The following CSMD1 variants were observed in gnomAD, a reference collection of about 807,000 sequenced individuals.
The protein encoded by CSMD1 is CUB and Sushi multiple domains 1.
A neutral mutation model predicts 417.5 loss-of-function variants in CSMD1; 213 were observed. The observed-to-expected ratio is 0.51, with a 90% CI of 0.46 to 0.57. The LOEUF is 0.57. Among genes scored for constraint, CSMD1 ranks in the 20% least tolerant of loss-of-function variants. The pLI, the probability that CSMD1 is intolerant of heterozygous loss-of-function variation, is 0.00. For missense variants in CSMD1, 6,923 were observed against 4,529.7 expected (o/e 1.53, Z -15.17); for synonymous variants, 2,862 against 1,736.8 (o/e 1.65, Z -16.11).
intron 3 of CSMD1, among the ~76,000 whole-genome samples, chr8:4,286,258 C>G (rs1478261240): frequency 1.3e-5 from 2 of 152,136 alleles, no homozygotes; most frequent in Non-Finnish European, 2.9e-5. Context: ...GCCATGCTCT[C>G]CATGTCTCAC....
chr8:3,184,481 G>C (rs184160945), intron 36 of CSMD1, among the ~76,000 whole-genome samples: 3 of 152,138 alleles, frequency 2.0e-5, no homozygotes, highest in African/African-American at 7.2e-5. Flanking sequence ...TCTGTCTTCA[G>C]TTCTGCTCTT....
intron 12 of CSMD1, among the ~76,000 whole-genome samples, chr8:3,420,660 C>G (rs1041551571): frequency 6.6e-6 from 1 of 152,046 alleles, no homozygotes; most frequent in African/African-American, 2.4e-5. Flanking sequence ...ATGTGTACTA[C>G]TGTTCTGGTT....
At chr8:4,478,738 C>G (rs345155) in intron 2 of CSMD1, among the ~76,000 whole-genome samples, 2 of 152,078 alleles carry the variant, frequency 1.3e-5, no homozygotes, top group Non-Finnish European at 2.9e-5. Flanking sequence ...ACACTTTTTC[C>G]TTAGCTCATA....
chr8:3,590,934 A>G (rs1028581858), intron 8 of CSMD1, among the ~76,000 whole-genome samples: 1 of 152,204 alleles, frequency 6.6e-6, no homozygotes, highest in African/African-American at 2.4e-5. Context: ...GTTTTCACTG[A>G]TTTATGATTA....
intron 26 of CSMD1, among the ~76,000 whole-genome samples, chr8:3,242,807 CGCAGAAATAAGGGGTTGG>C (rs1563178217): frequency 2.8e-5 from 1 of 35,722 alleles, no homozygotes; most frequent in East Asian, 6.5e-4. Context: ...GGGGTTGGGG[CGCAGAAATAAGGGGTTGG>C]GGCGCAGATA....
chr8:3,741,552 T>C (rs1265824650), intron 6 of CSMD1, among the ~76,000 whole-genome samples: 2 of 152,268 alleles, frequency 1.3e-5, no homozygotes, highest in Admixed American at 6.5e-5. Flanking sequence ...TCTATCCATT[T>C]ATGATATGCA....
rs1019625772 is a variant in CSMD1 at position 4,144,358 on chromosome 8, T to C, written c.416-112259A>G. The stretch of plus-strand genomic sequence containing the variant: ...TACTTCTCTTCTTTCTTCTGTAATT[T>C]TCTGATAAGGGTGTGTTTTTAGAAC... On this transcript the variant is annotated intron_variant, in intron 3 of 69. Coordinates refer to ENST00000635120, the MANE Select transcript of CSMD1 (RefSeq NM_033225.6). Among the ~76,000 whole-genome samples the C allele has an allele frequency of 1.7e-4, 26 of 151,152 alleles. 2 individuals carry two copies. Among genetic ancestry groups the C allele is most frequent in the African/African-American group, 6.4e-4 (26 of 40,464 alleles).
At chr8:3,359,464 A>G in intron 20 of CSMD1, 124 bp from the exon 21 acceptor site, 1 of 717,328 alleles carries the variant, frequency 1.4e-6, no homozygotes, top group African/African-American at 1.8e-5. Flanking sequence ...TATTTTCCCC[A>G]AACACTTATA....
chr8:4,085,828 A>G (rs914974401), intron 3 of CSMD1, among the ~76,000 whole-genome samples: 5 of 152,212 alleles, frequency 3.3e-5, no homozygotes, highest in African/African-American at 1.2e-4. Context: ...ATAGCCAGAT[A>G]AAAGTTCTGT....
In CSMD1 at chr8:3,257,703, C is replaced by T. The variant is rs77815682; in HGVS notation, c.4153+26441G>A. Among the ~76,000 whole-genome samples the T allele has an allele frequency of 9.0e-3, 1,366 of 152,180 alleles. 21 individuals are homozygous for T. The highest frequency in any genetic ancestry group is 0.031 in the African/African-American group (1,273 of 41,508). Reference sequence around the variant, plus strand: ...TGAAGTTTCTATCAAAGACCCTAAACGGTGGGCCTAGAGCCTTGTTGGAGA... The same window carrying T: ...TGAAGTTTCTATCAAAGACCCTAAATGGTGGGCCTAGAGCCTTGTTGGAGA... On this transcript the variant is annotated intron_variant, in intron 26 of 69. Coordinates refer to ENST00000635120, the MANE Select transcript of CSMD1 (RefSeq NM_033225.6).
intron 25 of CSMD1, among the ~76,000 whole-genome samples, chr8:3,297,636 C>T (rs74830662): frequency 0.039 from 5,949 of 152,146 alleles, 214 homozygotes; most frequent in Admixed American, 0.11. Flanking sequence ...AGTCTCCATA[C>T]TGTACACAAA....
intron 3 of CSMD1, among the ~76,000 whole-genome samples, chr8:4,152,323 G>C (rs948734554): frequency 3.3e-5 from 5 of 152,052 alleles, no homozygotes; most frequent in Admixed American, 6.6e-5. Flanking sequence ...TTTTTGAATT[G>C]AATATTTACA....
At chr8:3,605,353 G>A (rs7842233) in intron 8 of CSMD1, among the ~76,000 whole-genome samples, 115,700 of 152,048 alleles carry the variant, frequency 0.76, 44,515 homozygotes, top group Middle Eastern at 0.85. Flanking sequence ...GTCCATAAGT[G>A]CAATTCTTTA....
chr8:4,869,383 G>A lies in CSMD1; in HGVS notation c.85+124949C>T, dbSNP rs141385217. ...AATGCTCTCTGTATTTTAATCACTCGAATTTCATAACTTTGAGTTACTTGA... is the reference window on the plus strand; with the variant it reads ...AATGCTCTCTGTATTTTAATCACTCAAATTTCATAACTTTGAGTTACTTGA... On this transcript the variant is annotated intron_variant, in intron 1 of 69. Coordinates refer to ENST00000635120, the MANE Select transcript of CSMD1 (RefSeq NM_033225.6). Among the ~76,000 whole-genome samples, 306 of 151,942 alleles carry A rather than the reference G, an allele frequency of 2.0e-3. 1 individual carries two copies. Among genetic ancestry groups the A allele is most frequent in the African/African-American group, 7.1e-3 (295 of 41,404 alleles).
intron 5 of CSMD1, among the ~76,000 whole-genome samples, chr8:3,828,778 C>G (rs1802201777): frequency 6.6e-6 from 1 of 152,110 alleles, no homozygotes; most frequent in African/African-American, 2.4e-5. Context: ...TCACTTCCTC[C>G]CAAGCATCCT....
chr8:4,371,120 C>G (rs1388529783), intron 3 of CSMD1, among the ~76,000 whole-genome samples: 2 of 152,050 alleles, frequency 1.3e-5, no homozygotes, highest in Non-Finnish European at 1.5e-5. Context: ...CTTTATTGCC[C>G]TTGAGAGTTT....
intron 5 of CSMD1, among the ~76,000 whole-genome samples, chr8:3,778,430 T>A (rs1322155853): frequency 6.6e-6 from 1 of 152,210 alleles, no homozygotes; most frequent in Non-Finnish European, 1.5e-5. Flanking sequence ...AATGATCTCT[T>A]TCCACTTCCA....
chr8:4,395,241 T>A (rs956085777), intron 3 of CSMD1, among the ~76,000 whole-genome samples: 1 of 152,176 alleles, frequency 6.6e-6, no homozygotes, highest in Non-Finnish European at 1.5e-5. Context: ...CAACTGTTTA[T>A]CTTCTTTTAT....
At chr8:3,767,987 T>C (rs767553130) in intron 5 of CSMD1, among the ~76,000 whole-genome samples, 1 of 152,230 alleles carries the variant, frequency 6.6e-6, no homozygotes, top group African/African-American at 2.4e-5. Context: ...AAATATTTCA[T>C]ATGTCTTTGC....
Sources: gnomAD v4.1 joint callset for allele counts (sites outside exome capture counted in the v4.1 genomes callset) on GRCh38, gnomAD v4.1.1 for gene constraint, MANE v1.5 for transcripts, NCBI Gene and HGNC (gene_info 2026-07-23, HGNC 2026-07-21) for gene names.